Variants in TMTC1 observed in about 807,000 individuals in gnomAD.
TMTC1 encodes the protein protein O-mannosyl-transferase TMTC1.
In TMTC1, 73 loss-of-function variants were observed where a neutral mutation model predicts 104.8. That is an observed-to-expected ratio of 0.70 (90% confidence interval 0.58 to 0.85). The LOEUF (loss-of-function observed/expected upper bound fraction) is 0.85. TMTC1 is among the 40% of genes least tolerant of loss of function. The pLI, the probability that TMTC1 is intolerant of heterozygous loss-of-function variation, is 0.00. For synonymous variants in TMTC1, 434 were observed against 428.7 expected (o/e 1.01, Z -0.15); for missense variants, 1,035 against 1,096.1 (o/e 0.94, Z 0.79).
intron 10 of TMTC1, among the ~76,000 whole-genome samples, chr12:29,545,376 A>T (rs7300825): frequency 0.094 from 14,255 of 152,192 alleles, 2,223 homozygotes; most frequent in African/African-American, 0.32. Flanking sequence ...ACAATGGCTC[A>T]CGCCTATAAT....
At chr12:29,676,916 A>T (rs1940747508) in intron 5 of TMTC1, among the ~76,000 whole-genome samples, 1 of 152,214 alleles carries the variant, frequency 6.6e-6, no homozygotes, top group African/African-American at 2.4e-5. Flanking sequence ...TGTGTGAAGA[A>T]GAAAAACATC....
rs180907634 is a variant in TMTC1, at chr12:29,585,921, G to T, written c.1251-2347C>A. Among the ~76,000 whole-genome samples the T allele has an allele frequency of 1.4e-4, 21 of 152,218 alleles. 1 individual carries two copies. In the East Asian group the frequency reaches 4.0e-3, roughly 29 times the overall value. ...GGCTTAGGACTGACTTGGAAATGTG[G>T]GCTCTTTTTTGGTTCCATATGAACT... On this transcript the variant is annotated intron_variant, in intron 7 of 17. Transcript: ENST00000539277.
chr12:29,609,442 C>G (rs1447329793), intron 6 of TMTC1, among the ~76,000 whole-genome samples: 1 of 152,150 alleles, frequency 6.6e-6, no homozygotes, highest in Non-Finnish European at 1.5e-5. Flanking sequence ...TGGTAGTCAC[C>G]AATGAATGTT....
chr12:29,660,559 C>CAT (rs1321308504), intron 5 of TMTC1, among the ~76,000 whole-genome samples: 1 of 152,120 alleles, frequency 6.6e-6, no homozygotes. Context: ...GAAAGGGACT[C>CAT]ATAGAATACT....
intron 5 of TMTC1, among the ~76,000 whole-genome samples, chr12:29,671,331 TAAAAG>T: frequency 8.0e-6 from 1 of 125,518 alleles, no homozygotes; most frequent in Non-Finnish European, 1.6e-5. Context: ...AATAAATAAA[TAAAAG>T]AAATAAACAA....
chr12:29,516,591 A>G (rs1397932633), intron 14 of TMTC1, 105 bp from the exon 15 acceptor site: 1 of 1,341,876 alleles, frequency 7.5e-7, no homozygotes, highest in East Asian at 2.4e-5. Context: ...AAACATGCTC[A>G]GCATCAATTT....
intron 5 of TMTC1, among the ~76,000 whole-genome samples, chr12:29,741,037 TA>T (rs1565806630): frequency 6.6e-6 from 1 of 152,216 alleles, no homozygotes; most frequent in East Asian, 1.9e-4. Context: ...GTATATAGAG[TA>T]AGTTTTTAAT....
chr12:29,553,632 T>C (rs978543680), intron 10 of TMTC1, among the ~76,000 whole-genome samples: 1 of 152,208 alleles, frequency 6.6e-6, no homozygotes, highest in African/African-American at 2.4e-5. Context: ...AGCATTGTTG[T>C]TGATTTGGAT....
chr12:29,688,338 G>A (rs1027713514), intron 5 of TMTC1, among the ~76,000 whole-genome samples: 21 of 152,242 alleles, frequency 1.4e-4, no homozygotes, highest in African/African-American at 4.1e-4. Flanking sequence ...ACAATTGGTC[G>A]GAAATCTCAT....
intron 5 of TMTC1, among the ~76,000 whole-genome samples, chr12:29,669,230 G>T (rs1940408397): frequency 6.6e-6 from 1 of 152,216 alleles, no homozygotes; most frequent in Non-Finnish European, 1.5e-5. Context: ...GAGGGAGAAA[G>T]TGAAAGAAGT....
At chr12:29,591,266 C>T (rs1946273674) in intron 7 of TMTC1, among the ~76,000 whole-genome samples, 1 of 152,146 alleles carries the variant, frequency 6.6e-6, no homozygotes, top group African/African-American at 2.4e-5. Flanking sequence ...GAGAGAAACG[C>T]ACTCTTTCCC....
intron 5 of TMTC1, among the ~76,000 whole-genome samples, chr12:29,656,162 T>C (rs934626737): frequency 3.3e-5 from 5 of 151,912 alleles, no homozygotes; most frequent in Non-Finnish European, 7.4e-5. Context: ...ATCACCAGCC[T>C]ACGACAGGAC....
intron 6 of TMTC1, among the ~76,000 whole-genome samples, chr12:29,610,197 CA>C (rs34277015): frequency 2.0e-5 from 3 of 152,250 alleles, no homozygotes; most frequent in Admixed American, 1.3e-4. Flanking sequence ...ATGTGGACCT[CA>C]AAAAAGGATC....
In TMTC1 at chr12:29,733,843, G is replaced by A. The variant is rs371100802; in HGVS notation, c.938+17823C>T. On this transcript the variant is annotated intron_variant, in intron 5 of 17. Transcript: ENST00000539277. ...TCTTTTCTTCACCTGTTTCAATATC[G>A]CTCTGCTCATTTTATTGTTTTACTT... Among the ~76,000 whole-genome samples the A allele has an allele frequency of 3.9e-5, 6 of 152,082 alleles. 1 individual carries two copies. Among genetic ancestry groups the A allele is most frequent in the African/African-American group, 1.4e-4 (6 of 41,494 alleles).
chr12:29,758,621 T>G (rs1439990237), intron 3 of TMTC1, 83 bp downstream of exon 3: 2 of 1,323,704 alleles, frequency 1.5e-6, no homozygotes, highest in Non-Finnish European at 2.2e-6. Context: ...ACCAGAAGCT[T>G]CTCTCCTCTC....
At chr12:29,538,746 C>G (rs1364173681) in intron 10 of TMTC1, among the ~76,000 whole-genome samples, 1 of 152,036 alleles carries the variant, frequency 6.6e-6, no homozygotes, top group Admixed American at 6.6e-5. Flanking sequence ...TACCAAGAAC[C>G]CAGATTCTTG....
chr12:29,718,291 T>C (rs1303943068), intron 5 of TMTC1, among the ~76,000 whole-genome samples: 1 of 152,238 alleles, frequency 6.6e-6, no homozygotes, highest in African/African-American at 2.4e-5. Flanking sequence ...AAGGGACAGC[T>C]GGCACCACTG....
intron 5 of TMTC1, among the ~76,000 whole-genome samples, chr12:29,743,779 A>G (rs936560311): frequency 1.3e-5 from 2 of 152,186 alleles, no homozygotes; most frequent in African/African-American, 4.8e-5. Context: ...TCCACAATCT[A>G]TCAGTAGGTT....
chr12:29,704,255 G>A (rs1941680329), intron 5 of TMTC1, among the ~76,000 whole-genome samples: 1 of 152,122 alleles, frequency 6.6e-6, no homozygotes, highest in Admixed American at 6.5e-5. Context: ...AGAAAATAGT[G>A]ATACACTAAT....
Sources: gnomAD v4.1 joint callset for allele counts (sites outside exome capture counted in the v4.1 genomes callset) on GRCh38, gnomAD v4.1.1 for gene constraint, MANE v1.5 for transcripts, NCBI Gene and HGNC (gene_info 2026-07-23, HGNC 2026-07-21) for gene names.